MPP7: variants seen among roughly 807,000 people sequenced by gnomAD.
The protein encoded by MPP7 is MAGUK p55 subfamily member 7.
In MPP7, 60 loss-of-function variants were observed where a neutral mutation model predicts 76.5. The observed-to-expected ratio is 0.78, with a 90% CI of 0.64 to 0.97. The LOEUF is 0.97. Among genes scored for constraint, MPP7 ranks in the 50% least tolerant of loss-of-function variants. MPP7 has a pLI of 0.00. For synonymous variants in MPP7, 237 were observed against 244.5 expected (o/e 0.97, Z 0.29); for missense variants, 641 against 694.0 (o/e 0.92, Z 0.86).
chr10:28,310,230 G>A (rs1014430550), intron 2 of MPP7, among the ~76,000 whole-genome samples: 1 of 152,068 alleles, frequency 6.6e-6, no homozygotes, highest in Non-Finnish European at 1.5e-5. Context: ...TCGAACTCCT[G>A]GCCTCAGGTG....
intron 12 of MPP7, among the ~76,000 whole-genome samples, chr10:28,083,667 A>C (rs1852871360): frequency 6.7e-6 from 1 of 150,148 alleles, no homozygotes. Flanking sequence ...CCTCCCGAGT[A>C]GCTGGGATTA....
At chr10:28,317,028 G>C (rs1352261102) in intron 2 of MPP7, among the ~76,000 whole-genome samples, 1 of 152,092 alleles carries the variant, frequency 6.6e-6, no homozygotes, top group African/African-American at 2.4e-5. Context: ...AAAGGGGGAA[G>C]AACTGTGAGC....
intron 6 of MPP7, among the ~76,000 whole-genome samples, chr10:28,127,825 C>A (rs73606075): frequency 6.6e-6 from 1 of 151,862 alleles, no homozygotes; most frequent in Admixed American, 6.6e-5. Context: ...CCAGGGCAGG[C>A]GGAGGAAAGA....
At chr10:28,132,465 C>G (rs1835223583) in intron 5 of MPP7, among the ~76,000 whole-genome samples, 1 of 152,120 alleles carries the variant, frequency 6.6e-6, no homozygotes, top group African/African-American at 2.4e-5. Context: ...AGGTCTTGCT[C>G]TGTTACGCTG....
chr10:28,321,953 G>GTGTT (rs1408542266), intron 2 of MPP7, among the ~76,000 whole-genome samples: 1 of 56,342 alleles, frequency 1.8e-5, no homozygotes, highest in Non-Finnish European at 3.9e-5. Context: ...GTAGACGTGT[G>GTGTT]TGTGTGTGTG....
intron 3 of MPP7, among the ~76,000 whole-genome samples, chr10:28,178,174 A>T (rs1223638339): frequency 6.6e-6 from 1 of 152,064 alleles, no homozygotes; most frequent in African/African-American, 2.4e-5. Flanking sequence ...AGCATCCCTG[A>T]GCTGTTCTCC....
At chr10:28,167,624 A>C (rs187287987) in intron 3 of MPP7, among the ~76,000 whole-genome samples, 79 of 152,306 alleles carry the variant, frequency 5.2e-4, no homozygotes, top group Admixed American at 4.7e-3. Context: ...CTAAAATTTA[A>C]AAAATAAATA....
At position 28,206,720 on chromosome 10, in the gene MPP7, G is replaced by T. The variant is rs564346333; in HGVS notation, c.38-4449C>A. Among the ~76,000 whole-genome samples the T allele has an allele frequency of 3.9e-5, 6 of 152,076 alleles. No individual in the cohort carries two copies. The South Asian group carries it at 1.2e-3, about 32-fold the overall frequency. On this transcript the variant is annotated intron_variant, in intron 2 of 16. Transcript: ENST00000683449. ...GCTGTTTGAGATGGAGCATATTTTT[G>T]ATTATTCGTGAGATGCTGTCATGGG...
chr10:28,215,634 A>G (rs1342582255), intron 2 of MPP7, among the ~76,000 whole-genome samples: 2 of 151,900 alleles, frequency 1.3e-5, no homozygotes, highest in Non-Finnish European at 2.9e-5. Context: ...GCATGCTTAG[A>G]CTCTAGGCTC....
intron 3 of MPP7, among the ~76,000 whole-genome samples, chr10:28,197,249 C>G (rs1324729718): frequency 6.9e-6 from 1 of 145,466 alleles, no homozygotes. Context: ...GTGGCACGAT[C>G]TCAGCTCACT....
At chr10:28,118,757 A>G (rs989110601) in intron 11 of MPP7, 1 of 985,314 alleles carries the variant, frequency 1.0e-6, no homozygotes, top group African/African-American at 1.7e-5. Context: ...ATACTCGACT[A>G]CAGTTTGGCT....
At chr10:28,152,747 T>G (rs1835923800) in intron 3 of MPP7, among the ~76,000 whole-genome samples, 2 of 152,164 alleles carry the variant, frequency 1.3e-5, no homozygotes, top group African/African-American at 4.8e-5. Flanking sequence ...TAATTTCTCT[T>G]TATATCCCAG....
chr10:28,108,458 C>T (rs1172849665), intron 11 of MPP7, among the ~76,000 whole-genome samples: 1 of 151,980 alleles, frequency 6.6e-6, no homozygotes, highest in African/African-American at 2.4e-5. Flanking sequence ...AGTTTGAGAC[C>T]AGCCTGGGCA....
At chr10:28,333,114 A>G (rs1468047427) in intron 1 of MPP7, among the ~76,000 whole-genome samples, 1 of 152,092 alleles carries the variant, frequency 6.6e-6, no homozygotes, top group Non-Finnish European at 1.5e-5. Context: ...TAAAATTTCA[A>G]TATTCTGGAA....
intron 11 of MPP7, among the ~76,000 whole-genome samples, chr10:28,098,868 G>C: frequency 6.6e-6 from 1 of 151,700 alleles, no homozygotes; most frequent in East Asian, 1.9e-4. Context: ...TTAAGAATAA[G>C]GGCAAGGAAG....
intron 3 of MPP7, among the ~76,000 whole-genome samples, chr10:28,157,861 T>C (rs1316555661): frequency 6.6e-6 from 1 of 152,228 alleles, no homozygotes; most frequent in Non-Finnish European, 1.5e-5. Context: ...CCTTCATTAT[T>C]AGGTCTGATG....
intron 1 of MPP7, among the ~76,000 whole-genome samples, chr10:28,332,005 T>C (rs1589050930): frequency 6.6e-6 from 1 of 152,180 alleles, no homozygotes; most frequent in Admixed American, 6.5e-5. Context: ...CTGCCCTCTA[T>C]AAGAGAATAT....
chr10:28,150,323 C>G (rs892490913), intron 3 of MPP7, among the ~76,000 whole-genome samples: 1 of 152,096 alleles, frequency 6.6e-6, no homozygotes, highest in Non-Finnish European at 1.5e-5. Context: ...CAAACAGAAC[C>G]CACTTGAAAA....
intron 5 of MPP7, among the ~76,000 whole-genome samples, chr10:28,136,532 A>G (rs1329951869): frequency 6.6e-6 from 1 of 152,224 alleles, no homozygotes; most frequent in Non-Finnish European, 1.5e-5. Context: ...AATTACACAG[A>G]TGATAAACTG....
Sources: gnomAD v4.1 joint callset for allele counts (sites outside exome capture counted in the v4.1 genomes callset) on GRCh38, gnomAD v4.1.1 for gene constraint, MANE v1.5 for transcripts, NCBI Gene and HGNC (gene_info 2026-07-23, HGNC 2026-07-21) for gene names.